Variants in CNR2 observed in about 807,000 individuals in gnomAD.
CNR2 encodes cannabinoid receptor 2 (macrophage).
For missense variants in CNR2, 379 were observed against 439.9 expected, an observed-to-expected ratio of 0.86 and a Z score of 1.24; for synonymous variants, 172 against 182.2, an observed-to-expected ratio of 0.94 and a Z score of 0.45.
intron 1 of CNR2, among the ~76,000 whole-genome samples, chr1:23,895,396 G>A (rs925988326): frequency 5.3e-5 from 8 of 152,196 alleles, no homozygotes; most frequent in Non-Finnish European, 1.0e-4. Context: ...CGGCTATTAT[G>A]TGAGGCAGGT....
At chr1:23,912,542 G>T (rs778895373) in intron 1 of CNR2, among the ~76,000 whole-genome samples, 7 of 152,246 alleles carry the variant, frequency 4.6e-5, no homozygotes. Context: ...CATGATTTCA[G>T]GTGGGTCACC....
intron 1 of CNR2, among the ~76,000 whole-genome samples, chr1:23,894,765 C>CA (rs201078947): frequency 0.14 from 21,219 of 148,018 alleles, 1,946 homozygotes; most frequent in East Asian, 0.35. Context: ...AATTTTGTCT[C>CA]AAAAAAAAAA....
intron 1 of CNR2, among the ~76,000 whole-genome samples, chr1:23,889,171 C>T (rs565775288): frequency 3.1e-4 from 47 of 152,120 alleles, no homozygotes; most frequent in Middle Eastern, 3.4e-3. Flanking sequence ...AACTTGGGAC[C>T]TGAGAACCTG....
chr1:23,894,928 T>G (rs2148466263), intron 1 of CNR2, among the ~76,000 whole-genome samples: 1 of 151,988 alleles, frequency 6.6e-6, no homozygotes, highest in South Asian at 2.1e-4. Context: ...TAATTAGAAA[T>G]CTGCAACACT....
At chr1:23,907,429 A>C (rs1461210373) in intron 1 of CNR2, among the ~76,000 whole-genome samples, 12 of 148,508 alleles carry the variant, frequency 8.1e-5, no homozygotes, top group Admixed American at 2.7e-4. Context: ...AAAAAAAACA[A>C]GAGAAAAAAG....
In CNR2 at chr1:23,875,505, A is replaced by G. The variant is rs1307502753; in HGVS notation, c.113T>C (p.Val38Ala). ...TAGCAGGCCCAGAAGAGTGCACAAC[A>G]CAGCAACAGCTGTCTTCTGGGGACC... Reference protein sequence around the residue: ...LSGPQKTAVAVLCTLLGLLSA... With the variant: ...LSGPQKTAVAALCTLLGLLSA... Residue 38 changes from valine (V) to alanine (A), a missense_variant, in exon 2 of 2, where the codon GTG (valine) becomes GCG (alanine). Physicochemically the swap from Val to Ala is moderately conservative, Grantham distance 64. Transcript: ENST00000374472. 1 of 1,613,966 alleles carries G rather than the reference A, an allele frequency of 6.2e-7. No individual in the cohort carries two copies. The highest frequency in any genetic ancestry group is 1.3e-5 in the African/African-American group (1 of 74,908).
chr1:23,893,890 G>T (rs1640232961), intron 1 of CNR2, among the ~76,000 whole-genome samples: 1 of 152,000 alleles, frequency 6.6e-6, no homozygotes, highest in African/African-American at 2.4e-5. Context: ...TTGGGAGGCT[G>T]AGGTGGGCAG....
rs900368894 is a variant in CNR2 at position 23,875,560 on chromosome 1, T to A, written c.58A>T (p.Asn20Tyr). ...ANGSKDGLDS[N>Y]PMKDYMILSG... ...AGGATCATGTAATCCTTCATAGGGT[T>A]GGAATCCAAGCCATCCTTGGAGCCA... is the stretch of plus-strand genomic sequence containing the variant. The change falls in exon 2 of 2, where the codon AAC becomes TAC. Residue 20 changes from asparagine to tyrosine, a missense_variant. Transcript: ENST00000374472. The A allele has an allele frequency of 6.2e-7, 1 of 1,613,512 alleles. No individual in the cohort carries two copies. Among genetic ancestry groups the A allele is most frequent in the Non-Finnish European group, 8.5e-7 (1 of 1,179,614 alleles).
intron 1 of CNR2, among the ~76,000 whole-genome samples, chr1:23,890,395 A>C (rs527317528): frequency 6.1e-4 from 92 of 152,016 alleles, no homozygotes; most frequent in Admixed American, 7.9e-4. Flanking sequence ...CTTTGCCACC[A>C]CTGAGGACAA....
intron 1 of CNR2, among the ~76,000 whole-genome samples, chr1:23,877,714 C>T (rs1472573230): frequency 6.6e-6 from 1 of 151,980 alleles, no homozygotes; most frequent in East Asian, 1.9e-4. Flanking sequence ...GTAATCCCAA[C>T]ATTTTGGGAG....
intron 1 of CNR2, among the ~76,000 whole-genome samples, chr1:23,889,084 T>G (rs3003322): frequency 6.6e-6 from 1 of 151,984 alleles, no homozygotes; most frequent in Admixed American, 6.6e-5. Context: ...GCACTTCACA[T>G]AGGGAGCGTC....
chr1:23,889,909 T>C (rs1196538906), intron 1 of CNR2, among the ~76,000 whole-genome samples: 1 of 152,194 alleles, frequency 6.6e-6, no homozygotes, highest in African/African-American at 2.4e-5. Context: ...CATGTCACTG[T>C]ACCTGGTTTA....
Position 23,873,758 on chromosome 1 carries a change from T to C in CNR2, c.*777A>G, listed in dbSNP as rs1639809160. On this transcript the variant is annotated 3_prime_UTR_variant, in exon 2 of 2. Coordinates refer to ENST00000374472, the MANE Select transcript of CNR2 (RefSeq NM_001841.3). ...TTTGTGAATATCTTCCTTTTTTTCT[T>C]CGAGTTAGGTTAGACTAGGACATTG... The C allele has an allele frequency of 2.0e-5, 3 of 152,154 alleles. No homozygotes were observed. Among genetic ancestry groups the C allele is most frequent in the African/African-American group, 7.2e-5 (3 of 41,434 alleles). 9.4% of individuals were successfully genotyped at this position (152,154 alleles called of 1,614,324 possible).
intron 1 of CNR2, among the ~76,000 whole-genome samples, chr1:23,895,452 C>T (rs1398311449): frequency 1.3e-5 from 2 of 152,160 alleles, no homozygotes; most frequent in East Asian, 3.8e-4. Flanking sequence ...GGGGGCAAGT[C>T]CTTTGCCCAA....
intron 1 of CNR2, among the ~76,000 whole-genome samples, chr1:23,884,136 G>A (rs919121055): frequency 1.3e-5 from 2 of 151,372 alleles, no homozygotes; most frequent in African/African-American, 4.9e-5. Context: ...CTGGAGTGCA[G>A]TGGCACAATC....
intron 1 of CNR2, among the ~76,000 whole-genome samples, chr1:23,877,352 G>C (rs1049974262): frequency 1.3e-5 from 2 of 152,144 alleles, no homozygotes; most frequent in African/African-American, 4.8e-5. Context: ...CGTAGATCTG[G>C]TGGCCGGGCA....
At chr1:23,899,200 C>T (rs988148746) in intron 1 of CNR2, among the ~76,000 whole-genome samples, 19 of 152,002 alleles carry the variant, frequency 1.2e-4, no homozygotes, top group Non-Finnish European at 2.1e-4. Flanking sequence ...CTGGATTTGC[C>T]GAGGTCACAA....
At chr1:23,882,912 G>A (rs954406043) in intron 1 of CNR2, among the ~76,000 whole-genome samples, 7 of 152,048 alleles carry the variant, frequency 4.6e-5, no homozygotes, top group African/African-American at 1.7e-4. Flanking sequence ...GAAGGGCCAT[G>A]GCATACATTC....
intron 1 of CNR2, among the ~76,000 whole-genome samples, chr1:23,888,606 T>G (rs1640130633): frequency 6.6e-6 from 1 of 152,142 alleles, no homozygotes; most frequent in Non-Finnish European, 1.5e-5. Context: ...TTTTGTGACC[T>G]GATGCTGTAC....
Sources: gnomAD v4.1 joint callset for allele counts (sites outside exome capture counted in the v4.1 genomes callset) on GRCh38, gnomAD v4.1.1 for gene constraint, MANE v1.5 for transcripts, NCBI Gene and HGNC (gene_info 2026-07-23, HGNC 2026-07-21) for gene names.